IGFN1: variants seen among roughly 807,000 people sequenced by gnomAD.
IGFN1 encodes immunoglobulin-like and fibronectin type III domain-containing protein 1.
In IGFN1, 253 loss-of-function variants were observed where a neutral mutation model predicts 289.5. The observed-to-expected ratio is 0.87, with a 90% CI of 0.79 to 0.97. The LOEUF is 0.97. IGFN1 is among the 50% of genes least tolerant of loss of function. The pLI is 0.00. For synonymous variants in IGFN1, 1,706 were observed against 1,788.5 expected, an observed-to-expected ratio of 0.95 and a Z score of 1.16; for missense variants, 4,470 against 4,686.1, an observed-to-expected ratio of 0.95 and a Z score of 1.35.
At position 201,197,300 on chromosome 1, in the gene IGFN1, G is replaced by T; in HGVS notation, c.350G>T (p.Arg117Ile). Residue 117 changes from arginine (R) to isoleucine (I), a missense_variant, in exon 5 of 24, where the codon AGA (arginine) becomes ATA (isoleucine). By Grantham distance (97) the Arg-to-Ile change is moderately conservative. Around this residue, in one of 8 missense-constraint regions of IGFN1, gnomAD observed 2,011 missense variants for 1,953.4 expected, o/e 1.03. Coordinates refer to ENST00000335211, the MANE Select transcript of IGFN1 (RefSeq NM_001164586.2). The stretch of plus-strand genomic sequence containing the variant: ...TACGGAGAGGCCGCTTGCTCAGTGA[G>T]ACTCACTGTCATCGAAGGTGGGCTT... Reference protein sequence around the residue: ...NAYGEAACSVRLTVIEVGFRK... With the variant: ...NAYGEAACSVILTVIEVGFRK... The T allele has an allele frequency of 1.3e-6, 2 of 1,550,554 alleles. No homozygotes were observed. The highest frequency in any genetic ancestry group is 8.7e-7 in the Non-Finnish European group (1 of 1,146,060).
rs991535544 is a variant in IGFN1 at position 201,205,085 on chromosome 1, T to A, written c.920T>A (p.Ile307Asn). Reference protein sequence around the residue: ...VFSTELEASAIPPRVVVPLAE... With the variant: ...VFSTELEASANPPRVVVPLAE... The stretch of plus-strand genomic sequence containing the variant: ...CCCATTCCTATTTCCCCGGCAGCCA[T>A]CCCCCCAAGAGTGGTGGTCCCACTG... The change falls in exon 11 of 24, where the codon ATC (isoleucine) becomes AAC (asparagine). Residue 307 changes from isoleucine (I) to asparagine (N), a missense_variant. Around this residue, in one of 8 missense-constraint regions of IGFN1, gnomAD observed 2,011 missense variants for 1,953.4 expected, o/e 1.03. Coordinates refer to ENST00000335211, the MANE Select transcript of IGFN1 (RefSeq NM_001164586.2). The A allele has an allele frequency of 7.2e-6, 11 of 1,537,058 alleles. No homozygotes were observed. The highest frequency in any genetic ancestry group is 9.7e-6 in the Non-Finnish European group (11 of 1,136,616).
intron 15 of IGFN1, 82 bp downstream of exon 15, chr1:201,215,920 G>A: frequency 7.4e-7 from 1 of 1,345,660 alleles, no homozygotes; most frequent in Non-Finnish European, 1.0e-6. Context: ...GCAGGCCTGG[G>A]ATATGATCTC....
At chr1:201,213,697 GTCTGTCCCAGTTCTGCC>G in intron 12 of IGFN1, 76 bp downstream of exon 12, 1 of 1,224,662 alleles carries the variant, frequency 8.2e-7, no homozygotes, top group Non-Finnish European at 1.2e-6. Flanking sequence ...GGATGCTTGG[GTCTGTCCCAGTTCTGCC>G]TCCAGCCCCA....
chr1:201,199,551 G>T, intron 6 of IGFN1, 58 bp from the exon 7 acceptor site: 1 of 1,504,472 alleles, frequency 6.6e-7, no homozygotes, highest in South Asian at 1.2e-5. Context: ...GAAAAGCTCT[G>T]CATCAACCCT....
Position 201,206,497 on chromosome 1 carries a change from T to C in IGFN1, c.1604T>C (p.Leu535Pro). 6.4e-7 allele frequency: 1 copy of C among 1,551,188 alleles called. No individual in the cohort carries two copies. The highest frequency in any genetic ancestry group is 1.4e-5 in the African/African-American group (1 of 73,094). The change falls in exon 12 of 24, where the codon CTC becomes CCC. Residue 535 changes from leucine (L) to proline (P), a missense_variant. By Grantham distance (98) the Leu-to-Pro change is moderately conservative. Around this residue, in one of 8 missense-constraint regions of IGFN1, gnomAD observed 2,011 missense variants for 1,953.4 expected, o/e 1.03. Coordinates refer to ENST00000335211, the MANE Select transcript of IGFN1 (RefSeq NM_001164586.2). ...GAGAGCTCAGAATCAGGGTTGGGCCTCCCAGAAAAACAACAGCAAGATCGT... is the reference window on the plus strand; with the variant it reads ...GAGAGCTCAGAATCAGGGTTGGGCCCCCCAGAAAAACAACAGCAAGATCGT... ...QGESSESGLG[L>P]PEKQQQDRGR...
intron 5 of IGFN1, among the ~76,000 whole-genome samples, chr1:201,198,587 G>A (rs1667011307): frequency 6.6e-6 from 1 of 151,740 alleles, no homozygotes; most frequent in African/African-American, 2.4e-5. Flanking sequence ...ATCACACCCA[G>A]CTAATTTTTT....
Position 201,218,629 on chromosome 1 carries a change from C to G in IGFN1, c.9869C>G (p.Ser3290Trp). 6.2e-7 allele frequency: 1 copy of G among 1,610,538 alleles called. No individual in the cohort carries two copies. Among genetic ancestry groups the G allele is most frequent in the African/African-American group, 1.3e-5 (1 of 75,002 alleles). The part of the protein sequence containing the change: ...PSGPGEPGPP[S>W]DAVFARDPMR... The stretch of plus-strand genomic sequence containing the variant: ...GGTCCCGGAGAGCCTGGACCTCCAT[C>G]GGATGCTGTCTTTGCTCGGGACCCC... Residue 3290 changes from serine (S) to tryptophan (W), a missense_variant, in exon 18 of 24, where the codon TCG (serine) becomes TGG (tryptophan). By Grantham distance (177) the Ser-to-Trp change is radical. Transcript: ENST00000335211.
chr1:201,191,735 C>A (rs1202672734), intron 1 of IGFN1, among the ~76,000 whole-genome samples: 4 of 152,224 alleles, frequency 2.6e-5, no homozygotes, highest in Admixed American at 2.0e-4. Flanking sequence ...CCCCCAAGAG[C>A]TTTGCTTCTT....
rs1667478997 is a variant in IGFN1, at chr1:201,207,426, T to C, written c.2533T>C (p.Ser845Pro). The change falls in exon 12 of 24, where the codon TCT (serine) becomes CCT (proline). Residue 845 changes from serine to proline, a missense_variant. Physicochemically the swap from Ser to Pro is moderately conservative, Grantham distance 74. Around this residue, in one of 8 missense-constraint regions of IGFN1, gnomAD observed 2,011 missense variants for 1,953.4 expected, o/e 1.03. Coordinates refer to ENST00000335211, the MANE Select transcript of IGFN1 (RefSeq NM_001164586.2). ...KGTSPWDDTP[S>P]SLRKTGAHHG... ...CACAAGTCCTTGGGATGACACACCA[T>C]CTAGCCTCAGAAAAACTGGGGCCCA... is the stretch of plus-strand genomic sequence containing the variant. 6.5e-7 allele frequency: 1 copy of C among 1,530,240 alleles called. No individual in the cohort carries two copies. Among genetic ancestry groups the C allele is most frequent in the African/African-American group, 1.4e-5 (1 of 72,566 alleles). 94.8% of individuals were successfully genotyped at this position (1,530,240 alleles called of 1,614,324 possible).
chr1:201,196,101 A>T, intron 4 of IGFN1, 123 bp downstream of exon 4: 1 of 979,446 alleles, frequency 1.0e-6, no homozygotes, highest in Non-Finnish European at 1.4e-6. Flanking sequence ...GGTTGAATCC[A>T]TTCAACTCCA....
intron 23 of IGFN1, among the ~76,000 whole-genome samples, chr1:201,228,132 C>T (rs1470484216): frequency 6.6e-6 from 1 of 152,200 alleles, no homozygotes; most frequent in Non-Finnish European, 1.5e-5. Context: ...AAGCCACTCT[C>T]GAAACACCCC....
Position 201,212,302 on chromosome 1 carries a change from A to G in IGFN1, c.7409A>G (p.Tyr2470Cys), listed in dbSNP as rs1000757318. The G allele has an allele frequency of 1.0e-5, 16 of 1,536,366 alleles. No individual in the cohort carries two copies. The highest frequency in any genetic ancestry group is 1.4e-5 in the African/African-American group (1 of 72,978). Residue 2470 changes from tyrosine to cysteine, a missense_variant, in exon 12 of 24, where the codon TAT becomes TGT. Tyr to Cys is a radical substitution (Grantham distance 194). This residue lies in a region of IGFN1 where 2,218 missense variants were observed against 2,114.1 expected (regional missense o/e 1.05). Coordinates refer to ENST00000335211, the MANE Select transcript of IGFN1 (RefSeq NM_001164586.2). ...ERGSTKDLGG[Y>C]GTSGIPEASE... ...GGCTCCACCAAAGATCTTGGGGGCT[A>G]TGGAACTTCAGGGATCCCTGAGGCC...
chr1:201,195,886 G>T lies in IGFN1; in HGVS notation c.175G>T (p.Glu59Ter). Residue 59 changes from glutamate to a stop codon, truncating the protein, a stop_gained, in exon 4 of 24, where the codon GAG becomes TAG. Coordinates refer to ENST00000335211, the MANE Select transcript of IGFN1 (RefSeq NM_001164586.2). LOFTEE classifies it high-confidence loss of function. ...TGTGGTCTGTGGGGAGCCCAGGCCC[G>T]AGGTGCGTTGGCAGAACTCCAAAGG... is the stretch of plus-strand genomic sequence containing the variant. ...RAVVCGEPRP[E>*]VRWQNSKGDL... 6.4e-7 allele frequency: 1 copy of T among 1,551,704 alleles called. No homozygotes were observed. Among genetic ancestry groups the T allele is most frequent in the South Asian group, 1.2e-5 (1 of 84,052 alleles).
intron 4 of IGFN1, among the ~76,000 whole-genome samples, chr1:201,196,401 AT>A (rs1430002975): frequency 6.6e-6 from 1 of 152,162 alleles, no homozygotes; most frequent in African/African-American, 2.4e-5. Flanking sequence ...CTGGAGTGCA[AT>A]GGCGTGATCT....
chr1:201,204,218 T>A (rs1039224868), intron 10 of IGFN1, among the ~76,000 whole-genome samples: 1 of 152,256 alleles, frequency 6.6e-6, no homozygotes, highest in African/African-American at 2.4e-5. Flanking sequence ...CCAGACTAAT[T>A]GCACAGCCTC....
In IGFN1 at chr1:201,208,892, A is replaced by G. The variant is rs1173789177; in HGVS notation, c.3999A>G (p.Gly1333=). 3.3e-6 allele frequency: 5 copies of G among 1,536,586 alleles called. No individual in the cohort carries two copies. The highest frequency in any genetic ancestry group is 3.5e-6 in the Non-Finnish European group (4 of 1,146,772). The change falls in exon 12 of 24, where the codon GGA becomes GGG. Residue 1333 remains glycine (G), a synonymous_variant. Transcript: ENST00000335211. The part of the protein sequence containing the change: ...GYRKDLGAPE[G]ISSGSKADYR... Reference sequence around the variant, plus strand: ...GGAAAGATTTAGGGGCTCCTGAGGGAATAAGTTCAGGGAGCAAGGCAGATT... The same window carrying G: ...GGAAAGATTTAGGGGCTCCTGAGGGGATAAGTTCAGGGAGCAAGGCAGATT...
chr1:201,200,199 A>G (rs1186105466), intron 7 of IGFN1, 38 bp from the exon 8 acceptor site: 1 of 1,522,494 alleles, frequency 6.6e-7, no homozygotes, highest in Non-Finnish European at 8.9e-7. Flanking sequence ...AGGAGCAGGG[A>G]TTCCTCTGGC....
chr1:201,209,545 G>A lies in IGFN1; in HGVS notation c.4652G>A (p.Gly1551Asp), dbSNP rs2102340051. 4 of 1,526,132 alleles carry A rather than the reference G, an allele frequency of 2.6e-6. No individual in the cohort carries two copies. In the African/African-American group the frequency reaches 4.1e-5, roughly 16 times the overall value. 94.5% of individuals were successfully genotyped at this position (1,526,132 alleles called of 1,614,324 possible). Residue 1551 changes from glycine to aspartate, a missense_variant, in exon 12 of 24, where the codon GGT (glycine) becomes GAT (aspartate). This residue lies in a region of IGFN1 where 2,011 missense variants were observed against 1,953.4 expected (regional missense o/e 1.03). Transcript: ENST00000335211. ...GGGAGTAAGGCAGGTTTTACGGATGGTTTAGGAGGTTCTGAAGAAATGGGG... is the reference window on the plus strand; with the variant it reads ...GGGAGTAAGGCAGGTTTTACGGATGATTTAGGAGGTTCTGAAGAAATGGGG... ...GSGSKAGFTD[G>D]LGGSEEMGSV...
At position 201,200,355 on chromosome 1, in the gene IGFN1, G is replaced by T; in HGVS notation, c.577G>T (p.Gly193Cys). Residue 193 changes from glycine (G) to cysteine (C), a missense_variant, in exon 8 of 24, where the codon GGC (glycine) becomes TGC (cysteine). Gly to Cys is a radical substitution (Grantham distance 159). Transcript: ENST00000335211. ...GAAGTATGGCATCGTCGACTACCGT[G>T]GCATGTTGCGCAGGCTGCAGGAGAT... ...CLKYGIVDYRGMLRRLQEMKK... is the reference protein window; with the variant it reads ...CLKYGIVDYRCMLRRLQEMKK... The T allele has an allele frequency of 1.3e-6, 2 of 1,551,796 alleles. No individual in the cohort carries two copies. Among genetic ancestry groups the T allele is most frequent in the Admixed American group, 2.0e-5 (1 of 51,006 alleles).
Sources: allele counts gnomAD v4.1 joint callset (sites outside exome capture counted in the v4.1 genomes callset), GRCh38; gene constraint gnomAD v4.1.1; regional missense constraint gnomAD v4.1.1; transcripts MANE v1.5; gene names NCBI Gene and HGNC (gene_info 2026-07-23, HGNC 2026-07-21).